Variants in LTBP1 observed in about 807,000 individuals in gnomAD.
The protein encoded by LTBP1 is latent-transforming growth factor beta-binding protein 1.
In LTBP1, 129 loss-of-function variants were observed where a neutral mutation model predicts 207.6. The observed-to-expected ratio is 0.62, with a 90% CI of 0.54 to 0.72. LTBP1 has a LOEUF of 0.72. LTBP1 is among the 30% of genes least tolerant of loss of function. LTBP1 has a pLI of 0.00. For missense variants in LTBP1, 2,281 were observed against 2,217.2 expected, an observed-to-expected ratio of 1.03 and a Z score of -0.58; for synonymous variants, 963 against 833.7, an observed-to-expected ratio of 1.16 and a Z score of -2.67.
chr2:32,965,913 T>C (rs1293560791), intron 2 of LTBP1, among the ~76,000 whole-genome samples: 1 of 152,226 alleles, frequency 6.6e-6, no homozygotes, highest in African/African-American at 2.4e-5. Context: ...TGAAACTGTC[T>C]TCCACAATGG....
chr2:33,135,967 T>TTG (rs533982948), intron 5 of LTBP1, among the ~76,000 whole-genome samples: 169 of 152,206 alleles, frequency 1.1e-3, no homozygotes, highest in African/African-American at 4.0e-3. Flanking sequence ...AGTGTGTGTC[T>TTG]GGGGGGGTGG....
intron 9 of LTBP1, among the ~76,000 whole-genome samples, chr2:33,231,379 A>G (rs2091779364): frequency 6.6e-6 from 1 of 152,206 alleles, no homozygotes; most frequent in African/African-American, 2.4e-5. Context: ...AGTTCCTCGG[A>G]GTGCATCTGA....
chr2:33,108,334 T>A (rs991448716), intron 3 of LTBP1, among the ~76,000 whole-genome samples: 2 of 152,164 alleles, frequency 1.3e-5, no homozygotes, highest in Admixed American at 6.5e-5. Context: ...AGCTCCATAT[T>A]TGCAATGTGT....
chr2:33,027,051 A>G (rs1271628760), intron 3 of LTBP1, among the ~76,000 whole-genome samples: 1 of 152,098 alleles, frequency 6.6e-6, no homozygotes, highest in African/African-American at 2.4e-5. Context: ...ACTCAGTGTT[A>G]TGTCTGAGAT....
chr2:33,339,833 C>T lies in LTBP1; in HGVS notation c.3731-3005C>T, dbSNP rs1056686545. On this transcript the variant is annotated intron_variant, in intron 24 of 33. Transcript: ENST00000404816. The stretch of plus-strand genomic sequence containing the variant: ...GCTAATTTTGTATTTTTAGTAGAGA[C>T]GGGGTTTCTCCAAGTTGGTCAGGCT... Among the ~76,000 whole-genome samples, 81 of 151,548 alleles carry T rather than the reference C, an allele frequency of 5.3e-4. 1 individual carries two copies. Among genetic ancestry groups the T allele is most frequent in the African/African-American group, 1.6e-3 (67 of 41,202 alleles).
intron 4 of LTBP1, among the ~76,000 whole-genome samples, chr2:33,123,745 CCCT>C (rs1437037315): frequency 2.0e-5 from 3 of 152,122 alleles, no homozygotes; most frequent in Admixed American, 2.0e-4. Context: ...GTAAGTTCCA[CCCT>C]CCTCCTCCTC....
At chr2:32,948,739 G>C (rs1424429272) in intron 1 of LTBP1, 136 bp from the exon 2 acceptor site, 2 of 790,384 alleles carry the variant, frequency 2.5e-6, no homozygotes, top group Non-Finnish European at 4.3e-6. Context: ...GGGCATCCAG[G>C]GTACCTGTTA....
At chr2:33,302,597 C>T (rs1325746362) in intron 22 of LTBP1, among the ~76,000 whole-genome samples, 1 of 152,162 alleles carries the variant, frequency 6.6e-6, no homozygotes, top group Non-Finnish European at 1.5e-5. Context: ...CCCATATCCT[C>T]CTGCTGCTGG....
At chr2:33,188,166 A>T (rs1244856727) in intron 6 of LTBP1, among the ~76,000 whole-genome samples, 2 of 152,202 alleles carry the variant, frequency 1.3e-5, no homozygotes, top group African/African-American at 4.8e-5. Context: ...CACGCCTGTA[A>T]TCCCAGCACT....
intron 5 of LTBP1, among the ~76,000 whole-genome samples, chr2:33,146,470 T>C (rs1396451170): frequency 6.6e-6 from 1 of 152,244 alleles, no homozygotes; most frequent in Non-Finnish European, 1.5e-5. Flanking sequence ...CAGCCTGTCT[T>C]GCTTTGCATG....
intron 6 of LTBP1, 131 bp from the exon 7 acceptor site, chr2:33,188,446 A>AAAAAAAAAAT: frequency 1.5e-6 from 1 of 654,648 alleles, no homozygotes; most frequent in Non-Finnish European, 2.5e-6. Context: ...AAAAAAAAAG[A>AAAAAAAAAAT]ATTTTGATGG....
At chr2:33,290,883 T>G (rs1293004553) in intron 19 of LTBP1, among the ~76,000 whole-genome samples, 1 of 152,194 alleles carries the variant, frequency 6.6e-6, no homozygotes, top group African/African-American at 2.4e-5. Flanking sequence ...TTCTACAGTT[T>G]AGGAGAGAAA....
chr2:33,102,608 A>G (rs1294358429), intron 3 of LTBP1, among the ~76,000 whole-genome samples: 2 of 151,722 alleles, frequency 1.3e-5, no homozygotes, highest in African/African-American at 4.8e-5. Context: ...GACAATTTTT[A>G]TTGGTCTTTC....
At chr2:33,382,469 C>T (rs2095227535) in intron 31 of LTBP1, among the ~76,000 whole-genome samples, 1 of 152,104 alleles carries the variant, frequency 6.6e-6, no homozygotes, top group Non-Finnish European at 1.5e-5. Flanking sequence ...CCTCTTCTAC[C>T]TGGTTAACCT....
At chr2:32,959,621 A>ATATTTC (rs1475834284) in intron 2 of LTBP1, among the ~76,000 whole-genome samples, 1 of 36,668 alleles carries the variant, frequency 2.7e-5, no homozygotes, top group African/African-American at 9.6e-5. Flanking sequence ...ATATATATAT[A>ATATTTC]TTTTTTTTTT....
chr2:33,368,063 C>T (rs1203663256), intron 31 of LTBP1, among the ~76,000 whole-genome samples: 1 of 151,974 alleles, frequency 6.6e-6, no homozygotes, highest in African/African-American at 2.4e-5. Flanking sequence ...AAAAAATAGC[C>T]GGGCCTGGTG....
At position 32,958,479 on chromosome 2, in the gene LTBP1, C is replaced by G. The variant is rs888196435; in HGVS notation, c.565+9534C>G. Among the ~76,000 whole-genome samples the G allele has an allele frequency of 2.6e-5, 4 of 152,288 alleles. No homozygotes were observed. The East Asian group carries it at 5.8e-4, about 22-fold the overall frequency. On this transcript the variant is annotated intron_variant, in intron 2 of 33. Coordinates refer to ENST00000404816, the MANE Select transcript of LTBP1 (RefSeq NM_206943.4). ...ATGCTCCCTAAGCACTCTGATTTCA[C>G]TCTTAGTTGGCTCTGGGTATGGCTG...
At position 33,342,735 on chromosome 2, in the gene LTBP1, C is replaced by T. The variant is rs185829891; in HGVS notation, c.3731-103C>T. ...TGTAAACATGTTCATCTCATCATCACACACTAATCAGGATGTGTTGAGTGC... is the reference window on the plus strand; with the variant it reads ...TGTAAACATGTTCATCTCATCATCATACACTAATCAGGATGTGTTGAGTGC... On this transcript the variant is annotated intron_variant, in intron 24 of 33. Coordinates refer to ENST00000404816, the MANE Select transcript of LTBP1 (RefSeq NM_206943.4). 3.3e-3 allele frequency: 3,532 copies of T among 1,076,480 alleles called. 24 individuals are homozygous for T. Among genetic ancestry groups the T allele is most frequent in the Admixed American group, 0.015 (720 of 47,160 alleles). The allele number at this position is 1,076,480 out of a possible 1,614,324, so 66.7% of individuals were successfully genotyped here. A position where few individuals can be genotyped will look rare whatever the true frequency, so the allele number is the denominator to read the frequency against.
intron 2 of LTBP1, among the ~76,000 whole-genome samples, chr2:32,975,672 C>T (rs758755826): frequency 5.5e-4 from 67 of 121,250 alleles, no homozygotes; most frequent in Non-Finnish European, 8.1e-4. Flanking sequence ...GAGATTCTTT[C>T]CTCAGCTTGG....
Sources: gnomAD v4.1 joint callset for allele counts (sites outside exome capture counted in the v4.1 genomes callset) on GRCh38, gnomAD v4.1.1 for gene constraint, MANE v1.5 for transcripts, NCBI Gene and HGNC (gene_info 2026-07-23, HGNC 2026-07-21) for gene names.